BRSK2: variants seen among roughly 807,000 people sequenced by gnomAD.
The protein encoded by BRSK2 is serine/threonine-protein kinase BRSK2.
In BRSK2, 19 loss-of-function variants were observed where a neutral mutation model predicts 83.3. The observed-to-expected ratio is 0.23, with a 90% CI of 0.16 to 0.33. The LOEUF is 0.33. BRSK2 is among the 10% of genes least tolerant of loss of function. The pLI is 1.00. For missense variants in BRSK2, 798 were observed against 1,042.3 expected (o/e 0.77, Z 3.23); for synonymous variants, 519 against 435.4 (o/e 1.19, Z -2.39).
intron 1 of BRSK2, among the ~76,000 whole-genome samples, chr11:1,420,310 CT>C (rs1263032788): frequency 1.3e-5 from 2 of 152,238 alleles, no homozygotes; most frequent in African/African-American, 4.8e-5. Context: ...AGGGGAGAGG[CT>C]GGCCAGGGCT....
intron 1 of BRSK2, among the ~76,000 whole-genome samples, chr11:1,419,342 T>C (rs1848421082): frequency 6.6e-6 from 1 of 152,240 alleles, no homozygotes; most frequent in South Asian, 2.1e-4. Context: ...GATTCCCTCT[T>C]GGGTGGTGTT....
intron 1 of BRSK2, among the ~76,000 whole-genome samples, chr11:1,415,892 C>T (rs575886567): frequency 2.6e-4 from 40 of 152,382 alleles, no homozygotes; most frequent in South Asian, 1.0e-3. Context: ...TGGTAAAGGC[C>T]GGAGCTCCCA....
At chr11:1,449,079 T>C (rs1419232688) in intron 12 of BRSK2, among the ~76,000 whole-genome samples, 8 of 152,098 alleles carry the variant, frequency 5.3e-5, no homozygotes, top group Non-Finnish European at 1.2e-4. Context: ...GTCCGTGCAG[T>C]GTGGTGGAAC....
intron 8 of BRSK2, 95 bp downstream of exon 8, chr11:1,443,730 G>C: frequency 7.2e-7 from 1 of 1,388,424 alleles, no homozygotes; most frequent in Non-Finnish European, 9.4e-7. Context: ...GCCCAGACGT[G>C]TGGGCACCCA....
intron 1 of BRSK2, among the ~76,000 whole-genome samples, chr11:1,403,242 G>A (rs1045705028): frequency 2.6e-5 from 4 of 152,182 alleles, no homozygotes; most frequent in Non-Finnish European, 4.4e-5. Context: ...GGCCAGCCTT[G>A]TCTGCTGGAG....
At chr11:1,394,765 C>A (rs1468565618) in intron 1 of BRSK2, among the ~76,000 whole-genome samples, 3 of 78,258 alleles carry the variant, frequency 3.8e-5, no homozygotes, top group South Asian at 6.0e-4. Context: ...AGATGGGCCC[C>A]TGGAGATGGG....
chr11:1,460,741 C>T lies in BRSK2; in HGVS notation c.*18C>T, dbSNP rs752377489. 57 of 1,413,868 alleles carry T rather than the reference C, an allele frequency of 4.0e-5. 1 individual carries two copies. The South Asian group carries it at 4.4e-4, about 11-fold the overall frequency. 87.6% of individuals were successfully genotyped at this position (1,413,868 alleles called of 1,614,324 possible). Reference sequence around the variant, plus strand: ...AGCCTTAGACACACTAGCCCCCCCCCCCAGCACAGCACTGACAGCGGCTGC... The same window carrying T: ...AGCCTTAGACACACTAGCCCCCCCCTCCAGCACAGCACTGACAGCGGCTGC... On this transcript the variant is annotated 3_prime_UTR_variant, in exon 20 of 20. Transcript: ENST00000528841.
In BRSK2 at chr11:1,423,144, C is replaced by T. The variant is rs1848794409; in HGVS notation, c.92-12896C>T. On this transcript the variant is annotated intron_variant, in intron 1 of 19. Coordinates refer to ENST00000528841, the MANE Select transcript of BRSK2 (RefSeq NM_001256627.2). This position sits in a 1 kb window ranked among gnomAD's most constrained non-coding sequence, Gnocchi z 6.5. ...CCAAGAGCTGTGCCTCCATGTACCTCAGGGCCTCCCCCAGAGCGGTGCCTC... is the reference window on the plus strand; with the variant it reads ...CCAAGAGCTGTGCCTCCATGTACCTTAGGGCCTCCCCCAGAGCGGTGCCTC... 2.0e-5 allele frequency among the ~76,000 whole-genome samples: 3 copies of T among 152,182 alleles called. No homozygotes were observed. Among genetic ancestry groups the T allele is most frequent in the South Asian group, 4.1e-4 (2 of 4,828 alleles).
intron 8 of BRSK2, among the ~76,000 whole-genome samples, chr11:1,444,709 C>T (rs1480356622): frequency 6.6e-6 from 1 of 151,484 alleles, no homozygotes; most frequent in African/African-American, 2.4e-5. Context: ...CCCCCTCCGA[C>T]TCCAGCTCCC....
intron 16 of BRSK2, among the ~76,000 whole-genome samples, chr11:1,455,001 C>T (rs1030171964): frequency 2.4e-4 from 36 of 152,224 alleles, no homozygotes; most frequent in South Asian, 6.2e-4. Context: ...CCCTAGGGAC[C>T]GGTGGGGCTC....
chr11:1,448,001 C>G (rs760537248), intron 12 of BRSK2: 14 of 891,594 alleles, frequency 1.6e-5, no homozygotes, highest in Non-Finnish European at 2.3e-5. Context: ...AGCCAGCAAG[C>G]CAGGCAAGGG....
At chr11:1,457,251 C>T (rs978396041) in intron 18 of BRSK2, among the ~76,000 whole-genome samples, 16 of 152,178 alleles carry the variant, frequency 1.1e-4, no homozygotes, top group Non-Finnish European at 1.9e-4. Flanking sequence ...CCTCGGGACT[C>T]CCCGCCATGG....
At chr11:1,459,572 T>A in intron 19 of BRSK2, 1 of 357,070 alleles carries the variant, frequency 2.8e-6, no homozygotes, top group Non-Finnish European at 5.3e-6. Flanking sequence ...GAGGGGCCGG[T>A]GCCCATCCCT....
At chr11:1,400,528 G>A (rs757658925) in intron 1 of BRSK2, among the ~76,000 whole-genome samples, 3 of 152,176 alleles carry the variant, frequency 2.0e-5, no homozygotes, top group Non-Finnish European at 2.9e-5. Context: ...TCTTCCACCC[G>A]TCCACATCCT....
intron 13 of BRSK2, among the ~76,000 whole-genome samples, chr11:1,450,256 C>T (rs942951751): frequency 1.8e-4 from 27 of 152,084 alleles, no homozygotes; most frequent in Non-Finnish European, 2.8e-4. Context: ...CACCGCCCCC[C>T]GAGCCGCCCT....
chr11:1,398,589 A>C (rs1162346191), intron 1 of BRSK2, among the ~76,000 whole-genome samples: 5 of 152,228 alleles, frequency 3.3e-5, no homozygotes, highest in African/African-American at 1.2e-4. Context: ...TGGTGCCATT[A>C]ACTTTCTGCA....
intron 1 of BRSK2, among the ~76,000 whole-genome samples, chr11:1,414,751 C>G (rs1847915276): frequency 6.6e-6 from 1 of 152,226 alleles, no homozygotes; most frequent in South Asian, 2.1e-4. Context: ...CTTGCCCCTC[C>G]TCCATCCGTG....
chr11:1,423,191 G>C lies in BRSK2; in HGVS notation c.92-12849G>C, dbSNP rs1848802660. On this transcript the variant is annotated intron_variant, in intron 1 of 19. Transcript: ENST00000528841. This position sits in a 1 kb window ranked among gnomAD's most constrained non-coding sequence, Gnocchi z 6.5. ...CCTCGTGGGGGATGCGGTGCCTCGTGGGGGACATGGTGCCTTGTGGGGTAC... is the reference window on the plus strand; with the variant it reads ...CCTCGTGGGGGATGCGGTGCCTCGTCGGGGACATGGTGCCTTGTGGGGTAC... Among the ~76,000 whole-genome samples, 1 of 152,154 alleles carries C rather than the reference G, an allele frequency of 6.6e-6. No homozygotes were observed.
rs147740946 is a variant in BRSK2 at position 1,414,465 on chromosome 11, C to T, written c.92-21575C>T. ...CGGTGTTCATTAGAAGCTAAGGAGCCTCAGAGTATGCTAAGGTGCAGCTTC... is the reference window on the plus strand; with the variant it reads ...CGGTGTTCATTAGAAGCTAAGGAGCTTCAGAGTATGCTAAGGTGCAGCTTC... On this transcript the variant is annotated intron_variant, in intron 1 of 19. Transcript: ENST00000528841. Among the ~76,000 whole-genome samples the T allele has an allele frequency of 2.2e-4, 34 of 152,272 alleles. 1 individual carries two copies. The highest frequency in any genetic ancestry group is 7.5e-4 in the African/African-American group (31 of 41,550).
Sources: gnomAD v4.1 joint callset for allele counts (sites outside exome capture counted in the v4.1 genomes callset) on GRCh38, gnomAD v4.1.1 for gene constraint, Gnocchi (gnomAD v3.1) non-coding constraint, MANE v1.5 for transcripts, NCBI Gene and HGNC (gene_info 2026-07-23, HGNC 2026-07-21) for gene names.